DPP6: variants seen among roughly 807,000 people sequenced by gnomAD.
DPP6 encodes dipeptidyl peptidase like 6.
A neutral mutation model predicts 122.6 loss-of-function variants in DPP6; 69 were observed. That is an observed-to-expected ratio of 0.56 (90% CI 0.46 to 0.69). The LOEUF is 0.69. Among genes scored for constraint, DPP6 ranks in the 30% least tolerant of loss-of-function variants. The probability of loss-of-function intolerance (pLI) is 0.00; values close to 1 mark genes in which losing one functional copy is unlikely to be tolerated. For synonymous variants in DPP6, 418 were observed against 433.1 expected (o/e 0.97, Z 0.43); for missense variants, 928 against 1,116.9 (o/e 0.83, Z 2.41).
At chr7:154,031,976 C>T (rs558903286) in intron 1 of DPP6, among the ~76,000 whole-genome samples, 1 of 151,230 alleles carries the variant, frequency 6.6e-6, no homozygotes, top group Non-Finnish European at 1.5e-5. Flanking sequence ...ATTCTCCTGC[C>T]TCAGCCTCCC....
At chr7:153,878,169 T>A in the DPP6 span, among the ~76,000 whole-genome samples, 3 of 152,158 alleles carry the variant, frequency 2.0e-5, no homozygotes, top group Non-Finnish European at 4.4e-5. Context: ...ATCCTACTTG[T>A]GTGGGAGTAA....
chr7:154,504,355 C>G (rs1825502260), intron 3 of DPP6, among the ~76,000 whole-genome samples: 1 of 152,128 alleles, frequency 6.6e-6, no homozygotes, highest in Non-Finnish European at 1.5e-5. Flanking sequence ...TGATCACCGA[C>G]CTATTAAATC....
intron 1 of DPP6, among the ~76,000 whole-genome samples, chr7:154,173,565 T>C (rs1797645415): frequency 6.6e-6 from 1 of 152,140 alleles, no homozygotes. Context: ...CCCCCTTCTC[T>C]GTGTGCTTCC....
chr7:154,484,089 C>G (rs1479765735), intron 3 of DPP6, among the ~76,000 whole-genome samples: 4 of 152,158 alleles, frequency 2.6e-5, no homozygotes, highest in Admixed American at 2.6e-4. Flanking sequence ...ATTCTTTAGG[C>G]CTTTTAACTT....
intron 1 of DPP6, among the ~76,000 whole-genome samples, chr7:154,135,028 ACTT>A (rs1049230627): frequency 6.7e-6 from 1 of 150,064 alleles, no homozygotes; most frequent in African/African-American, 2.5e-5. Context: ...GTGAGCCCAT[ACTT>A]CCTCTGTGTA....
At chr7:154,353,288 C>T (rs560552963) in intron 1 of DPP6, among the ~76,000 whole-genome samples, 2 of 152,278 alleles carry the variant, frequency 1.3e-5, no homozygotes, top group East Asian at 1.9e-4. Context: ...GTTATTTTCT[C>T]GTAGCAAGAG....
intron 1 of DPP6, among the ~76,000 whole-genome samples, chr7:154,128,451 G>C (rs930679505): frequency 6.6e-6 from 1 of 152,184 alleles, no homozygotes; most frequent in Non-Finnish European, 1.5e-5. Context: ...ACCCAGGCTG[G>C]AGTGCAGTGG....
chr7:154,178,228 A>G (rs954225871), intron 1 of DPP6, among the ~76,000 whole-genome samples: 2 of 152,194 alleles, frequency 1.3e-5, no homozygotes, highest in African/African-American at 4.8e-5. Flanking sequence ...TATACCAACA[A>G]CATCCTCCAA....
At chr7:154,208,022 A>G (rs1032135459) in intron 1 of DPP6, among the ~76,000 whole-genome samples, 1 of 152,218 alleles carries the variant, frequency 6.6e-6, no homozygotes, top group Non-Finnish European at 1.5e-5. Flanking sequence ...TTCTAATTAC[A>G]TATCACTTGT....
At chr7:154,215,290 A>G (rs889882493) in intron 1 of DPP6, among the ~76,000 whole-genome samples, 7 of 152,158 alleles carry the variant, frequency 4.6e-5, no homozygotes, top group African/African-American at 1.2e-4. Context: ...TGAGAACAGC[A>G]TATGGGAAAC....
At chr7:154,075,836 G>A (rs1803511559) in intron 1 of DPP6, among the ~76,000 whole-genome samples, 1 of 148,372 alleles carries the variant, frequency 6.7e-6, no homozygotes, top group Admixed American at 6.8e-5. Flanking sequence ...TTAAAAAAGA[G>A]ATACATGTGT....
At chr7:154,291,037 A>G (rs1054388630) in intron 1 of DPP6, among the ~76,000 whole-genome samples, 10 of 152,298 alleles carry the variant, frequency 6.6e-5, no homozygotes, top group African/African-American at 2.4e-4. Context: ...GGAAACTCTC[A>G]GGAAGTTGAA....
chr7:153,812,966 A>G, the DPP6 span, among the ~76,000 whole-genome samples: 1 of 152,166 alleles, frequency 6.6e-6, no homozygotes, highest in South Asian at 2.1e-4. Flanking sequence ...AAGATGGGTC[A>G]TTGAGGGTAT....
chr7:153,808,613 CTA>C, the DPP6 span, among the ~76,000 whole-genome samples: 1 of 152,064 alleles, frequency 6.6e-6, no homozygotes, highest in Non-Finnish European at 1.5e-5. Context: ...TACTCTATTT[CTA>C]TGAGTCCACC....
the DPP6 span, among the ~76,000 whole-genome samples, chr7:153,840,377 A>G: frequency 6.6e-6 from 1 of 152,114 alleles, no homozygotes; most frequent in Non-Finnish European, 1.5e-5. Context: ...TCTAGTAAAA[A>G]TTCTTACTCT....
intron 1 of DPP6, among the ~76,000 whole-genome samples, chr7:154,398,264 G>A (rs1245219067): frequency 6.6e-6 from 1 of 152,142 alleles, no homozygotes; most frequent in Non-Finnish European, 1.5e-5. Context: ...CCCTAAAAAT[G>A]AGGAAACCGA....
At chr7:154,610,707 C>CTGTGTG (rs10525265) in intron 5 of DPP6, among the ~76,000 whole-genome samples, 10 of 122,080 alleles carry the variant, frequency 8.2e-5, no homozygotes, top group African/African-American at 2.8e-4. Context: ...GTGTTGTTCT[C>CTGTGTG]TGTGTGTGTG....
chr7:154,428,702 TTGGA>T (rs1818109854), intron 1 of DPP6, among the ~76,000 whole-genome samples: 1 of 152,114 alleles, frequency 6.6e-6, no homozygotes, highest in African/African-American at 2.4e-5. Flanking sequence ...TTGCAGCAAC[TTGGA>T]TGGAGCTGGA....
intron 1 of DPP6, among the ~76,000 whole-genome samples, chr7:154,346,816 TG>T (rs1280648592): frequency 6.6e-6 from 1 of 152,250 alleles, no homozygotes; most frequent in African/African-American, 2.4e-5. Context: ...AAATGCTTTT[TG>T]GGGATACACT....
Sources: gnomAD v4.1 joint callset for allele counts (sites outside exome capture counted in the v4.1 genomes callset) on GRCh38, gnomAD v4.1.1 for gene constraint, MANE v1.5 for transcripts, NCBI Gene and HGNC (gene_info 2026-07-23, HGNC 2026-07-21) for gene names.